COX6B1: variants seen among roughly 807,000 people sequenced by gnomAD.
COX6B1 encodes the protein COX VIb-1.
A neutral mutation model predicts 14.0 loss-of-function variants in COX6B1; 2 were observed. The ratio of observed to expected loss-of-function variants is 0.14; its 90% CI spans 0.06 to 0.45. COX6B1 has a LOEUF of 0.45. Among genes scored for constraint, COX6B1 ranks in the 20% least tolerant of loss-of-function variants. The pLI is 0.98. For missense variants in COX6B1, 81 were observed against 114.2 expected, an observed-to-expected ratio of 0.71 and a Z score of 1.33; for synonymous variants, 30 against 39.7, an observed-to-expected ratio of 0.76 and a Z score of 0.92.
intron 3 of COX6B1, among the ~76,000 whole-genome samples, chr19:35,655,793 C>T (rs575973050): frequency 2.0e-5 from 3 of 150,234 alleles, no homozygotes; most frequent in South Asian, 4.3e-4. Flanking sequence ...CTCTCTTTGT[C>T]GCCCTCTCGC....
chr19:35,654,736 G>A, intron 3 of COX6B1, 65 bp downstream of exon 3: 2 of 1,441,684 alleles, frequency 1.4e-6, no homozygotes, highest in Non-Finnish European at 9.8e-7. Flanking sequence ...GGAGTGTGGT[G>A]GCTTGGTGGG....
chr19:35,648,427 C>T (rs1967785568), intron 1 of COX6B1, 24 bp downstream of exon 1: 1 of 202,198 alleles, frequency 4.9e-6, no homozygotes, highest in Non-Finnish European at 1.0e-5. Flanking sequence ...GTTCTGTAAC[C>T]TGGGACCCCA....
At chr19:35,655,116 G>A (rs1395057761) in intron 3 of COX6B1, among the ~76,000 whole-genome samples, 3 of 148,536 alleles carry the variant, frequency 2.0e-5, no homozygotes, top group African/African-American at 5.0e-5. Context: ...TGCAACCTCC[G>A]CCTCCTGGGT....
At chr19:35,649,560 C>G (rs1967801177) in intron 1 of COX6B1, among the ~76,000 whole-genome samples, 1 of 151,530 alleles carries the variant, frequency 6.6e-6, no homozygotes, top group African/African-American at 2.4e-5. Context: ...CTCACTGCAA[C>G]CTCCGCCTCT....
intron 1 of COX6B1, among the ~76,000 whole-genome samples, chr19:35,649,860 G>T (rs931530701): frequency 6.6e-6 from 1 of 151,984 alleles, no homozygotes; most frequent in Non-Finnish European, 1.5e-5. Flanking sequence ...GGGCTCAAGC[G>T]ATCCTCCCAC....
chr19:35,649,315 CTTTT>C (rs1262946565), intron 1 of COX6B1, among the ~76,000 whole-genome samples: 1 of 151,576 alleles, frequency 6.6e-6, no homozygotes, highest in South Asian at 2.1e-4. Context: ...ATAGACATTC[CTTTT>C]TTTTGTTTTT....
intron 1 of COX6B1, among the ~76,000 whole-genome samples, chr19:35,650,221 C>A (rs1044329250): frequency 2.0e-5 from 3 of 152,082 alleles, no homozygotes; most frequent in African/African-American, 7.2e-5. Context: ...CCAGGCTGGT[C>A]TTGAACTCCT....
intron 3 of COX6B1, among the ~76,000 whole-genome samples, 175 bp downstream of exon 3, chr19:35,654,846 T>G (rs969090522): frequency 6.6e-6 from 1 of 152,092 alleles, no homozygotes; most frequent in African/African-American, 2.4e-5. Flanking sequence ...CTCCTTCTGC[T>G]GATGCCTCTC....
At chr19:35,656,319 C>T (rs1340578107) in intron 3 of COX6B1, among the ~76,000 whole-genome samples, 3 of 151,918 alleles carry the variant, frequency 2.0e-5, no homozygotes, top group Admixed American at 6.6e-5. Flanking sequence ...CATGCTAGCA[C>T]ACAGAAAGAA....
intron 2 of COX6B1, among the ~76,000 whole-genome samples, chr19:35,653,560 C>CTAGGTCCAG: frequency 6.7e-6 from 1 of 149,888 alleles, no homozygotes; most frequent in East Asian, 2.0e-4. Context: ...GCGTGAGCCA[C>CTAGGTCCAG]CGTGCCTGGC....
intron 2 of COX6B1, 57 bp from the exon 3 acceptor site, chr19:35,654,514 A>G: frequency 6.4e-7 from 1 of 1,554,794 alleles, no homozygotes. Flanking sequence ...CCTCAAAAAA[A>G]AAAAAAAATG....
chr19:35,649,140 A>T (rs1967796220), intron 1 of COX6B1, among the ~76,000 whole-genome samples: 1 of 152,072 alleles, frequency 6.6e-6, no homozygotes, highest in Non-Finnish European at 1.5e-5. Context: ...GAGACATTAT[A>T]TTAAAGGTGT....
rs1967820828 is a variant in COX6B1 at position 35,651,231 on chromosome 19, A to G, written c.-11-2A>G. On this transcript the variant is annotated splice_acceptor_variant, in intron 1 of 3. Transcript: ENST00000649813. LOFTEE classifies it low-confidence loss of function (5UTR_SPLICE). ...GCTGACACCCACTCCTTTCGCCTCC[A>G]GGATTCAGCACCATGGCGGAAGACA... 1 of 1,609,042 alleles carries G rather than the reference A, an allele frequency of 6.2e-7. No individual in the cohort carries two copies. Among genetic ancestry groups the G allele is most frequent in the Non-Finnish European group, 8.5e-7 (1 of 1,175,676 alleles).
rs760843390 is a variant in COX6B1, at chr19:35,654,611, C to T, written c.147C>T (p.Gly49=). Residue 49 remains glycine, a synonymous_variant, in exon 3 of 4, where the codon GGC becomes GGT. Coordinates refer to ENST00000649813, the MANE Select transcript of COX6B1 (RefSeq NM_001863.5). ...RCQKAMTAKG[G]DISVCEWYQR... ...AGAAGGCAATGACCGCTAAAGGAGG[C>T]GATATCTCTGTGTGCGAATGGTACC... The T allele has an allele frequency of 5.6e-6, 9 of 1,614,138 alleles. No homozygotes were observed. Among genetic ancestry groups the T allele is most frequent in the South Asian group, 4.4e-5 (4 of 91,082 alleles).
At chr19:35,650,482 C>A (rs754727847) in intron 1 of COX6B1, among the ~76,000 whole-genome samples, 1 of 152,034 alleles carries the variant, frequency 6.6e-6, no homozygotes, top group African/African-American at 2.4e-5. Flanking sequence ...GAGGCCAAGC[C>A]GGGCAGATCA....
At position 35,654,585 on chromosome 19, in the gene COX6B1, C is replaced by CAGA. The variant is rs1338161358; in HGVS notation, c.124_126dup (p.Lys42dup). The CAGA allele has an allele frequency of 6.2e-7, 1 of 1,614,056 alleles. No individual in the cohort carries two copies. Among genetic ancestry groups the CAGA allele is most frequent in the African/African-American group, 1.3e-5 (1 of 75,006 alleles). Reference sequence around the variant, plus strand: ...TTTCTTCACAGACTTCCACCGCTGTCAGAAGGCAATGACCGCTAAAGGAGG... The same window carrying CAGA: ...TTTCTTCACAGACTTCCACCGCTGTCAGAAGAAGGCAATGACCGCTAAAGGAGG... On this transcript the variant is annotated inframe_insertion, in exon 3 of 4. Coordinates refer to ENST00000649813, the MANE Select transcript of COX6B1 (RefSeq NM_001863.5).
At chr19:35,655,781 CTCTCTCTT>C (rs1331471407) in intron 3 of COX6B1, among the ~76,000 whole-genome samples, 36 of 143,216 alleles carry the variant, frequency 2.5e-4, no homozygotes, top group South Asian at 8.8e-4. Flanking sequence ...CTCTCTCTCT[CTCTCTCTT>C]TGTCGCCCTC....
intron 1 of COX6B1, among the ~76,000 whole-genome samples, chr19:35,650,709 G>GA (rs11426803): frequency 0.12 from 17,768 of 145,008 alleles, 1,102 homozygotes; most frequent in South Asian, 0.16. Flanking sequence ...CTTAAAAAAA[G>GA]AAAAAAAAAA....
chr19:35,653,501 TG>T (rs1967852904), intron 2 of COX6B1, among the ~76,000 whole-genome samples: 1 of 151,390 alleles, frequency 6.6e-6, no homozygotes, highest in African/African-American at 2.4e-5. Flanking sequence ...CTCGATCTCC[TG>T]ACCTCATGAT....
Sources: gnomAD v4.1 joint callset for allele counts (sites outside exome capture counted in the v4.1 genomes callset) on GRCh38, gnomAD v4.1.1 for gene constraint, MANE v1.5 for transcripts, NCBI Gene and HGNC (gene_info 2026-07-23, HGNC 2026-07-21) for gene names.